LAMA4: variants seen among roughly 807,000 people sequenced by gnomAD.
The protein encoded by LAMA4 is laminin subunit alpha-4.
A neutral mutation model predicts 207.1 loss-of-function variants in LAMA4; 127 were observed. That is an observed-to-expected ratio of 0.61 (90% CI 0.53 to 0.71). The LOEUF is 0.71. Among genes scored for constraint, LAMA4 ranks in the 30% least tolerant of loss-of-function variants. The pLI, the probability that LAMA4 is intolerant of heterozygous loss-of-function variation, is 0.00. For synonymous variants in LAMA4, 761 were observed against 816.0 expected (o/e 0.93, Z 1.15); for missense variants, 2,093 against 2,246.5 (o/e 0.93, Z 1.38).
chr6:112,206,654 A>G (rs1365542794), intron 4 of LAMA4, among the ~76,000 whole-genome samples: 1 of 152,180 alleles, frequency 6.6e-6, no homozygotes, highest in African/African-American at 2.4e-5. Flanking sequence ...AGAAGAGGCA[A>G]TATTACTGAA....
At chr6:112,160,604 C>T (rs766757003) in intron 13 of LAMA4, among the ~76,000 whole-genome samples, 3 of 152,212 alleles carry the variant, frequency 2.0e-5, no homozygotes, top group East Asian at 3.8e-4. Context: ...TTTTCCCATC[C>T]TTATTTACTG....
At chr6:112,150,838 G>A (rs1458220021) in intron 16 of LAMA4, among the ~76,000 whole-genome samples, 2 of 152,190 alleles carry the variant, frequency 1.3e-5, no homozygotes, top group Admixed American at 1.3e-4. Flanking sequence ...CTGCTTGTGA[G>A]TGACTTAGGA....
At chr6:112,233,318 G>A (rs1785682291) in intron 2 of LAMA4, among the ~76,000 whole-genome samples, 1 of 152,160 alleles carries the variant, frequency 6.6e-6, no homozygotes, top group South Asian at 2.1e-4. Context: ...TGGCTATCCA[G>A]GGCCCAGCCC....
At chr6:112,158,552 C>A (rs372923528) in intron 14 of LAMA4, among the ~76,000 whole-genome samples, 180 bp downstream of exon 14, 1 of 151,856 alleles carries the variant, frequency 6.6e-6, no homozygotes, top group Non-Finnish European at 1.5e-5. Flanking sequence ...AACCAACCAA[C>A]CAACCAACCA....
At chr6:112,248,058 T>G (rs1787127167) in intron 2 of LAMA4, among the ~76,000 whole-genome samples, 2 of 152,148 alleles carry the variant, frequency 1.3e-5, no homozygotes, top group African/African-American at 4.8e-5. Flanking sequence ...AAAGTAGAAT[T>G]GTTGTTGCCA....
At chr6:112,123,758 G>A (rs1464805125) in intron 31 of LAMA4, among the ~76,000 whole-genome samples, 2 of 152,206 alleles carry the variant, frequency 1.3e-5, no homozygotes, top group East Asian at 3.9e-4. Flanking sequence ...AGAGAGGTGG[G>A]AGCTCATAGA....
At chr6:112,146,095 G>C (rs1780011562) in intron 18 of LAMA4, among the ~76,000 whole-genome samples, 1 of 152,146 alleles carries the variant, frequency 6.6e-6, no homozygotes, top group Admixed American at 6.5e-5. Flanking sequence ...GTTGAGACCA[G>C]CCTGGCCAAC....
In LAMA4 at chr6:112,172,844, C is replaced by T. The variant is rs1554342446; in HGVS notation, c.1358-40G>A. On this transcript the variant is annotated intron_variant, in intron 11 of 38. Coordinates refer to ENST00000230538, the MANE Select transcript of LAMA4 (RefSeq NM_001105206.3). ...AGATAAAGGCTCAGTGTGGCTTTCT[C>T]CTGTTCGCTTCCATTCCTCCCAGCA... The T allele has an allele frequency of 2.6e-6, 4 of 1,555,910 alleles. No individual in the cohort carries two copies. The Admixed American group carries it at 5.1e-5, about 20-fold the overall frequency.
intron 16 of LAMA4, among the ~76,000 whole-genome samples, chr6:112,152,515 T>G: frequency 1.3e-5 from 2 of 152,140 alleles, no homozygotes; most frequent in Admixed American, 1.3e-4. Context: ...TTGCCAGTAA[T>G]TCTTCATTTC....
intron 2 of LAMA4, among the ~76,000 whole-genome samples, chr6:112,230,364 A>T (rs1554364071): frequency 6.6e-6 from 1 of 152,204 alleles, no homozygotes; most frequent in Non-Finnish European, 1.5e-5. Context: ...CTTTGGAGAC[A>T]GCCTGAGGCA....
chr6:112,201,046 GA>G (rs1474664266), intron 5 of LAMA4, among the ~76,000 whole-genome samples: 1 of 151,328 alleles, frequency 6.6e-6, no homozygotes, highest in Non-Finnish European at 1.5e-5. Context: ...AAAAAAAAAG[GA>G]AAAAAAGAAA....
chr6:112,127,856 T>C (rs1441752699), intron 31 of LAMA4, among the ~76,000 whole-genome samples: 2 of 152,044 alleles, frequency 1.3e-5, no homozygotes, highest in African/African-American at 2.4e-5. Flanking sequence ...GTTAAACTGA[T>C]AGAATTAGAA....
intron 28 of LAMA4, among the ~76,000 whole-genome samples, chr6:112,132,213 C>A (rs1284423647): frequency 6.6e-6 from 1 of 152,022 alleles, no homozygotes; most frequent in Non-Finnish European, 1.5e-5. Context: ...TACTGAAATA[C>A]AGTTTTCAAA....
chr6:112,126,369 A>C (rs1778688530), intron 31 of LAMA4, among the ~76,000 whole-genome samples: 1 of 152,182 alleles, frequency 6.6e-6, no homozygotes. Context: ...GGGTAACAGC[A>C]AGACTCTATT....
At chr6:112,123,682 C>T (rs1320198680) in intron 31 of LAMA4, among the ~76,000 whole-genome samples, 1 of 152,180 alleles carries the variant, frequency 6.6e-6, no homozygotes, top group African/African-American at 2.4e-5. Flanking sequence ...GTCTCTTGCT[C>T]TCAGGGCAGC....
At position 112,122,145 on chromosome 6, in the gene LAMA4, C is replaced by A; in HGVS notation, c.4344G>T (p.Glu1448Asp). The A allele has an allele frequency of 6.2e-7, 1 of 1,613,886 alleles. No homozygotes were observed. The highest frequency in any genetic ancestry group is 8.5e-7 in the Non-Finnish European group (1 of 1,179,844). ...SWDPVALKLP[E>D]RNTPRNSHCH... ...AATGAGAGTTTCTTGGAGTATTCCG[C>A]TCTGGGAGTTTCAGAGCAACAGGAT... is the stretch of plus-strand genomic sequence containing the variant. Residue 1448 changes from glutamate (E) to aspartate (D), a missense_variant, in exon 32 of 39, where the codon GAG becomes GAT. By Grantham distance (45) the Glu-to-Asp change is conservative. Transcript: ENST00000230538.
intron 13 of LAMA4, among the ~76,000 whole-genome samples, chr6:112,161,421 G>T (rs1781045061): frequency 6.6e-6 from 1 of 152,136 alleles, no homozygotes; most frequent in South Asian, 2.1e-4. Flanking sequence ...TAGCCATTTT[G>T]GTTGGTCATC....
chr6:112,149,037 C>CT (rs1780207616), intron 17 of LAMA4, among the ~76,000 whole-genome samples: 1 of 145,490 alleles, frequency 6.9e-6, no homozygotes, highest in Admixed American at 7.0e-5. Context: ...TTGGCCCCAA[C>CT]TGTAATGTAA....
At chr6:112,218,969 G>A (rs1046111381) in intron 2 of LAMA4, 1 of 152,256 alleles carries the variant, frequency 6.6e-6, no homozygotes, top group East Asian at 1.9e-4. Context: ...GGTAGCTTGC[G>A]TCTGGTGTTG....
Sources: gnomAD v4.1 joint callset for allele counts (sites outside exome capture counted in the v4.1 genomes callset) on GRCh38, gnomAD v4.1.1 for gene constraint, MANE v1.5 for transcripts, NCBI Gene and HGNC (gene_info 2026-07-23, HGNC 2026-07-21) for gene names.